Variants in RAB37 observed in about 807,000 individuals in gnomAD.
RAB37 encodes RAB37, member RAS oncogene family.
RAB37 carries 29 observed loss-of-function variants against 33.1 expected under a neutral mutation model. The ratio of observed to expected loss-of-function variants is 0.88; its 90% CI spans 0.65 to 1.20. RAB37 has a LOEUF of 1.20. Among genes scored for constraint, RAB37 ranks in the 50% most tolerant of loss-of-function variants. The pLI is 0.00. For synonymous variants in RAB37, 128 were observed against 119.5 expected, an observed-to-expected ratio of 1.07 and a Z score of -0.47; for missense variants, 299 against 301.1, an observed-to-expected ratio of 0.99 and a Z score of 0.05.
rs77808125 is a variant in RAB37, at chr17:74,699,596, C to T, written c.72+27938C>T. On this transcript the variant is annotated intron_variant, in intron 1 of 7. Transcript: ENST00000340415. ...GACCGGGAACACAAAGGATCGCAGG[C>T]GCCCACCAGCAGCTGGAACAGAGGC... Among the ~76,000 whole-genome samples, 99 of 152,224 alleles carry T rather than the reference C, an allele frequency of 6.5e-4. 2 individuals carry two copies. The East Asian group carries it at 0.018, about 28-fold the overall frequency.
rs545869237 is a variant in RAB37, at chr17:74,731,741, C to T, written c.183+2375C>T. On this transcript the variant is annotated intron_variant, in intron 2 of 7. Coordinates refer to the RAB37 transcript ENST00000340415. ...CCTTCACTCAGGCCAGGCGTGGTGG[C>T]TCACACCTGTAATCCCAGCACTTTG... Among the ~76,000 whole-genome samples, 15 of 152,304 alleles carry T rather than the reference C, an allele frequency of 9.8e-5. No homozygotes were observed. In the East Asian group the frequency reaches 2.9e-3, roughly 29 times the overall value.
chr17:74,711,243 G>A (rs528891576), intron 1 of RAB37, among the ~76,000 whole-genome samples: 45 of 152,162 alleles, frequency 3.0e-4, no homozygotes, highest in Admixed American at 2.0e-3. Context: ...CCATGTTGGC[G>A]CCCATAGCTG....
chr17:74,728,831 G>A (rs964852997), intron 1 of RAB37, among the ~76,000 whole-genome samples: 1 of 151,460 alleles, frequency 6.6e-6, no homozygotes, highest in East Asian at 1.9e-4. Context: ...TTCTGTGTCT[G>A]TATGTGTCTT....
chr17:74,719,028 T>C (rs1433435943), intron 1 of RAB37, among the ~76,000 whole-genome samples: 1 of 152,246 alleles, frequency 6.6e-6, no homozygotes, highest in African/African-American at 2.4e-5. Context: ...AAAATCCCTG[T>C]ATCTTCTGCC....
upstream of RAB37, among the ~76,000 whole-genome samples, chr17:74,734,142 G>A (rs2034432691): frequency 6.6e-6 from 1 of 152,164 alleles, no homozygotes; most frequent in South Asian, 2.1e-4. Context: ...TACCAGCAGG[G>A]CCACGCTCCC....
intron 1 of RAB37, among the ~76,000 whole-genome samples, chr17:74,673,554 G>T (rs1308825579): frequency 6.6e-6 from 1 of 151,192 alleles, no homozygotes; most frequent in Non-Finnish European, 1.5e-5. Context: ...AAAGCTTTAA[G>T]ATTGGGAGCT....
At chr17:74,681,634 C>A (rs1266361854) in intron 1 of RAB37, among the ~76,000 whole-genome samples, 1 of 152,224 alleles carries the variant, frequency 6.6e-6, no homozygotes, top group African/African-American at 2.4e-5. Context: ...CACGTGAGCT[C>A]TGCAGGCATG....
intron 1 of RAB37, among the ~76,000 whole-genome samples, chr17:74,710,615 T>G (rs1181485510): frequency 6.6e-6 from 1 of 151,834 alleles, no homozygotes; most frequent in East Asian, 1.9e-4. Context: ...TCCCAACACT[T>G]TGGGAGGCCA....
In RAB37 at chr17:74,745,409, T is replaced by G; in HGVS notation, c.670T>G (p.Ter224GlyextTer28). The G allele has an allele frequency of 6.2e-7, 1 of 1,612,926 alleles. No individual in the cohort carries two copies. The highest frequency in any genetic ancestry group is 8.5e-7 in the Non-Finnish European group (1 of 1,179,006). The change falls in exon 9 of 9, where the codon TGA (stop) becomes GGA (glycine). Residue 224 changes from the stop codon to glycine, a stop_lost. Transcript: ENST00000392613. This position sits in a 1 kb window ranked among gnomAD's most constrained non-coding sequence, Gnocchi z 4.5. ...GCGCTCCAGCTGCTGCTCCTTCATG[T>G]GAATCCCAGGGGGCAGAGAGGAGGC... ...KKRSSCCSFM[*>G]
At chr17:74,712,722 T>A in intron 1 of RAB37, 8 of 1,199,084 alleles carry the variant, frequency 6.7e-6, no homozygotes, top group Non-Finnish European at 9.8e-6. Flanking sequence ...ACAAGGCTCA[T>A]GCCATTAAGG....
chr17:74,700,651 C>G (rs1188150950), intron 1 of RAB37, among the ~76,000 whole-genome samples: 1 of 152,096 alleles, frequency 6.6e-6, no homozygotes, highest in Non-Finnish European at 1.5e-5. Flanking sequence ...GCTTGGGAGG[C>G]TGAGGCAGGA....
chr17:74,728,593 G>T (rs901650217), intron 1 of RAB37, among the ~76,000 whole-genome samples: 1 of 151,162 alleles, frequency 6.6e-6, no homozygotes, highest in Admixed American at 6.6e-5. Flanking sequence ...CATATGTGTT[G>T]TATGTGTGTA....
At chr17:74,736,081 G>T (rs888486302), upstream of RAB37, among the ~76,000 whole-genome samples, 2 of 152,020 alleles carry the variant, frequency 1.3e-5, no homozygotes, top group Non-Finnish European at 2.9e-5. Flanking sequence ...GCCTGATGTC[G>T]CGCACCTGTA....
In RAB37 at chr17:74,682,426, C is replaced by A. The variant is rs892904603; in HGVS notation, c.72+10768C>A. ...ATTGACAGCAGCCCCAGGATCACAT[C>A]CTCACAGCTCCCAATTCCAAACAAA... On this transcript the variant is annotated intron_variant, in intron 1 of 7. Coordinates refer to the RAB37 transcript ENST00000340415. 2.6e-5 allele frequency among the ~76,000 whole-genome samples: 4 copies of A among 152,294 alleles called. No individual in the cohort carries two copies. In the South Asian group the frequency reaches 8.3e-4, roughly 32 times the overall value.
upstream of RAB37, among the ~76,000 whole-genome samples, chr17:74,736,161 C>T (rs2034471609): frequency 6.6e-6 from 1 of 151,612 alleles, no homozygotes; most frequent in South Asian, 2.1e-4. Context: ...TGCAGTGAGG[C>T]GAGATCGCAC....
chr17:74,731,093 C>A lies in RAB37; in HGVS notation c.183+1727C>A, dbSNP rs528786761. ...CTGAGTGAGGACCTGAGCCCCTGGC[C>A]AGAAACTCAGCCTGGGGACACCTGA... On this transcript the variant is annotated intron_variant, in intron 2 of 7. Coordinates refer to the RAB37 transcript ENST00000340415. Among the ~76,000 whole-genome samples, 30 of 152,338 alleles carry A rather than the reference C, an allele frequency of 2.0e-4. No individual in the cohort carries two copies. The East Asian group carries it at 3.3e-3, about 17-fold the overall frequency.
chr17:74,724,886 G>T (rs985408490), intron 1 of RAB37, among the ~76,000 whole-genome samples: 1 of 152,146 alleles, frequency 6.6e-6, no homozygotes, highest in African/African-American at 2.4e-5. Flanking sequence ...ATACGTGCAG[G>T]TCACAGGGGA....
At chr17:74,680,677 G>A (rs954245398) in intron 1 of RAB37, among the ~76,000 whole-genome samples, 4 of 151,888 alleles carry the variant, frequency 2.6e-5, no homozygotes, top group Admixed American at 6.6e-5. Flanking sequence ...GCCTTGGGCC[G>A]GACAGTCATT....
In RAB37 at chr17:74,688,831, A is replaced by T. The variant is rs544520296; in HGVS notation, c.72+17173A>T. Among the ~76,000 whole-genome samples, 10 of 152,314 alleles carry T rather than the reference A, an allele frequency of 6.6e-5. No individual in the cohort carries two copies. The South Asian group carries it at 8.3e-4, about 13-fold the overall frequency. Reference sequence around the variant, plus strand: ...ATAAGTTTCTAGAATTTCTTGCTTCATGTTAAAGAAACTGGAACTGAAACC... The same window carrying T: ...ATAAGTTTCTAGAATTTCTTGCTTCTTGTTAAAGAAACTGGAACTGAAACC... On this transcript the variant is annotated intron_variant, in intron 1 of 7. Transcript: ENST00000340415.
Sources: gnomAD v4.1 joint callset for allele counts (sites outside exome capture counted in the v4.1 genomes callset) on GRCh38, gnomAD v4.1.1 for gene constraint, Gnocchi (gnomAD v3.1) non-coding constraint, MANE v1.5 for transcripts, NCBI Gene and HGNC (gene_info 2026-07-23, HGNC 2026-07-21) for gene names.